SMIM14: variants seen among roughly 807,000 people sequenced by gnomAD.
The protein encoded by SMIM14 is chromosome 4 open reading frame 34.
Under a neutral mutation model 12.6 loss-of-function variants are expected in SMIM14, and 5 were observed. The observed-to-expected ratio is 0.40, with a 90% CI of 0.21 to 0.83. The LOEUF (loss-of-function observed/expected upper bound fraction) is 0.83. Among genes scored for constraint, SMIM14 ranks in the 40% least tolerant of loss-of-function variants. The pLI is 0.37. For synonymous variants in SMIM14, 30 were observed against 40.1 expected (o/e 0.75, Z 0.95); for missense variants, 86 against 119.1 (o/e 0.72, Z 1.29).
rs1457422027 is a variant in SMIM14 at position 39,550,365 on chromosome 4, C to T, written c.*1761G>A. 1 of 152,224 alleles carries T rather than the reference C, an allele frequency of 6.6e-6. No homozygotes were observed. Among genetic ancestry groups the T allele is most frequent in the East Asian group, 1.9e-4 (1 of 5,202 alleles). 9.4% of individuals were successfully genotyped at this position (152,224 alleles called of 1,614,324 possible). A position where few individuals can be genotyped will look rare whatever the true frequency, so the allele number is the denominator to read the frequency against. Reference sequence around the variant, plus strand: ...TGGCACGATCTCAGCTTACTGCAACCTCCGTCTCCCAGGTTCAAGCAATTT... The same window carrying T: ...TGGCACGATCTCAGCTTACTGCAACTTCCGTCTCCCAGGTTCAAGCAATTT... On this transcript the variant is annotated 3_prime_UTR_variant, in exon 5 of 5. Coordinates refer to ENST00000295958, the MANE Select transcript of SMIM14 (RefSeq NM_174921.3).
intron 2 of SMIM14, among the ~76,000 whole-genome samples, chr4:39,573,324 C>T (rs1396796208): frequency 6.6e-6 from 1 of 152,052 alleles, no homozygotes; most frequent in Admixed American, 6.6e-5. Flanking sequence ...TCTTGAACTC[C>T]TGACCTAAAG....
intron 1 of SMIM14, among the ~76,000 whole-genome samples, chr4:39,632,649 C>T (rs1310339592): frequency 1.3e-5 from 2 of 151,538 alleles, no homozygotes; most frequent in African/African-American, 4.8e-5. Context: ...CAAAAATTAG[C>T]CAGGCGTGGT....
chr4:39,607,379 A>G (rs1252981366), intron 1 of SMIM14, among the ~76,000 whole-genome samples: 1 of 152,258 alleles, frequency 6.6e-6, no homozygotes, highest in African/African-American at 2.4e-5. Flanking sequence ...AAAACAATTC[A>G]TAAATTAACT....
At chr4:39,592,842 G>A (rs1283282563) in intron 2 of SMIM14, 1 of 152,138 alleles carries the variant, frequency 6.6e-6, no homozygotes, top group African/African-American at 2.4e-5. Flanking sequence ...ACCCTCCCAA[G>A]ACTAAACCAG....
chr4:39,601,655 T>C (rs1277981692), intron 2 of SMIM14, among the ~76,000 whole-genome samples: 6 of 152,100 alleles, frequency 3.9e-5, no homozygotes, highest in Admixed American at 1.3e-4. Flanking sequence ...AAGTAGAAGA[T>C]AATGGATGAG....
intron 3 of SMIM14, among the ~76,000 whole-genome samples, chr4:39,560,982 C>G (rs1712282420): frequency 1.3e-5 from 2 of 152,066 alleles, no homozygotes; most frequent in Non-Finnish European, 2.9e-5. Flanking sequence ...AGGGATCTCC[C>G]TATATCTACT....
chr4:39,611,037 T>C (rs1018028291), intron 1 of SMIM14, among the ~76,000 whole-genome samples: 2 of 152,082 alleles, frequency 1.3e-5, no homozygotes, highest in African/African-American at 4.8e-5. Flanking sequence ...CCATGTGCAA[T>C]ATCAGGGCTA....
chr4:39,596,572 A>T (rs1714373315), intron 2 of SMIM14, among the ~76,000 whole-genome samples: 1 of 152,176 alleles, frequency 6.6e-6, no homozygotes, highest in Non-Finnish European at 1.5e-5. Flanking sequence ...AAGAAATCCT[A>T]GTACTTACAT....
chr4:39,622,710 C>T (rs1014098556), intron 1 of SMIM14, among the ~76,000 whole-genome samples: 1 of 152,226 alleles, frequency 6.6e-6, no homozygotes, highest in Admixed American at 6.5e-5. Context: ...TGCAAATGTT[C>T]GTTTTTAAAG....
chr4:39,581,491 TTTTTTCGTTTTTTTCCTTTTC>T (rs1179476259), intron 2 of SMIM14, among the ~76,000 whole-genome samples: 1 of 150,404 alleles, frequency 6.6e-6, no homozygotes, highest in Admixed American at 6.7e-5. Context: ...GTGTCTTTTC[TTTTTTCGTTTTTTTCCTTTTC>T]TTTTTCTTTT....
At chr4:39,584,793 CAAAAAAAAAAAA>C (rs34970724) in intron 2 of SMIM14, among the ~76,000 whole-genome samples, 13 of 76,312 alleles carry the variant, frequency 1.7e-4, no homozygotes, top group Admixed American at 3.3e-4. Context: ...AGGACCTTGT[CAAAAAAAAAAAA>C]AAAAAAGAAA....
intron 1 of SMIM14, among the ~76,000 whole-genome samples, chr4:39,624,161 C>T (rs1715605768): frequency 6.6e-6 from 1 of 152,130 alleles, no homozygotes; most frequent in Non-Finnish European, 1.5e-5. Flanking sequence ...ATACACAATA[C>T]TTTTTACAAA....
intron 3 of SMIM14, among the ~76,000 whole-genome samples, chr4:39,569,475 C>T (rs936911662): frequency 1.3e-5 from 2 of 152,192 alleles, no homozygotes; most frequent in Non-Finnish European, 2.9e-5. Flanking sequence ...GTATCAGCAA[C>T]TAACCTACTA....
chr4:39,629,608 C>G lies in SMIM14; in HGVS notation c.-36+9131G>C, dbSNP rs111741048. Reference sequence around the variant, plus strand: ...CAGGTGTGTGCCACCACAATGGCTTCGCTTATAAATGTTAAGCAAGCAGTA... The same window carrying G: ...CAGGTGTGTGCCACCACAATGGCTTGGCTTATAAATGTTAAGCAAGCAGTA... On this transcript the variant is annotated intron_variant, in intron 1 of 4. Transcript: ENST00000295958. 8.7e-4 allele frequency among the ~76,000 whole-genome samples: 132 copies of G among 151,292 alleles called. 1 individual carries two copies. The highest frequency in any genetic ancestry group is 3.1e-3 in the African/African-American group (127 of 41,266).
At chr4:39,597,571 G>A (rs974402813) in intron 2 of SMIM14, among the ~76,000 whole-genome samples, 2 of 151,298 alleles carry the variant, frequency 1.3e-5, no homozygotes, top group Non-Finnish European at 2.9e-5. Flanking sequence ...AGCCTCCCGA[G>A]TAGCTGGGAT....
intron 1 of SMIM14, among the ~76,000 whole-genome samples, chr4:39,636,708 AC>A (rs11323441): frequency 0.5 from 74,827 of 149,710 alleles, 18,632 homozygotes; most frequent in Middle Eastern, 0.54. Flanking sequence ...TTATAAAACA[AC>A]CCCCCCCCAG....
At chr4:39,628,551 C>G (rs369284968) in intron 1 of SMIM14, among the ~76,000 whole-genome samples, 1 of 149,226 alleles carries the variant, frequency 6.7e-6, no homozygotes, top group Non-Finnish European at 1.5e-5. Context: ...TAGTGGCACA[C>G]GCGTAGTCCC....
rs796456272 is a variant in SMIM14 at position 39,624,830 on chromosome 4, A to AC, written c.-36+13908_-36+13909insG. Among the ~76,000 whole-genome samples the AC allele has an allele frequency of 3.3e-3, 502 of 151,562 alleles. 4 individuals carry two copies. Among genetic ancestry groups the AC allele is most frequent in the African/African-American group, 0.012 (480 of 41,282 alleles). On this transcript the variant is annotated intron_variant, in intron 1 of 4. Coordinates refer to ENST00000295958, the MANE Select transcript of SMIM14 (RefSeq NM_174921.3). ...GACACCATCTCGAAAAAAAAAAAAA[A>AC]AAAACTTCCTATTCGTTCTTAGTAA... is the stretch of plus-strand genomic sequence containing the variant.
chr4:39,589,541 A>C (rs1485265086), intron 2 of SMIM14: 1 of 152,274 alleles, frequency 6.6e-6, no homozygotes, highest in Non-Finnish European at 1.5e-5. Context: ...ACACATGAGC[A>C]TAATCCAAGT....
Sources: gnomAD v4.1 joint callset for allele counts (sites outside exome capture counted in the v4.1 genomes callset) on GRCh38, gnomAD v4.1.1 for gene constraint, MANE v1.5 for transcripts, NCBI Gene and HGNC (gene_info 2026-07-23, HGNC 2026-07-21) for gene names.